The following PALB2 variants were observed in gnomAD, a reference collection of about 807,000 sequenced individuals.
PALB2 encodes the protein mutant partner and localizer of BRCA2.
Under a neutral mutation model 107.4 loss-of-function variants are expected in PALB2, and 82 were observed. That is an observed-to-expected ratio of 0.76 (90% CI 0.64 to 0.92). The LOEUF is 0.92. Among genes scored for constraint, PALB2 ranks in the 40% least tolerant of loss-of-function variants. The pLI is 0.00. For missense variants in PALB2, 1,374 were observed against 1,379.9 expected (o/e 1.00, Z 0.07); for synonymous variants, 489 against 496.8 (o/e 0.98, Z 0.21).
rs1484917572 is a variant in PALB2 at position 23,635,089 on chromosome 16, TTA to T, written c.1455_1456del (p.Lys486SerfsTer9). On this transcript the variant is annotated frameshift_variant, in exon 4 of 13. Transcript: ENST00000261584. LOFTEE classifies it high-confidence loss of function. ...AGTGGGCCCAGCGGGAGAGCTGACT[TTA>T]GTTAATGAGAGAAGTTTCTGAGAGG... is the stretch of plus-strand genomic sequence containing the variant. 1 of 1,614,110 alleles carries T rather than the reference TTA, an allele frequency of 6.2e-7. No individual in the cohort carries two copies. The highest frequency in any genetic ancestry group is 1.7e-5 in the Admixed American group (1 of 60,008).
At chr16:23,636,799 T>C (rs991850105) in intron 3 of PALB2, among the ~76,000 whole-genome samples, 2 of 152,178 alleles carry the variant, frequency 1.3e-5, no homozygotes, top group African/African-American at 4.8e-5. Flanking sequence ...TTCTTTATTT[T>C]CCCCCTTGGC....
Position 23,610,974 on chromosome 16 carries a change from G to A in PALB2, c.3202-2962C>T, listed in dbSNP as rs184163042. ...GAATTGCTTGAACCTGGCAGGCGGA[G>A]GTTGCAGTGAGCCGACATCACACCA... is the stretch of plus-strand genomic sequence containing the variant. On this transcript the variant is annotated intron_variant, in intron 11 of 12. Transcript: ENST00000261584. 1.2e-4 allele frequency among the ~76,000 whole-genome samples: 18 copies of A among 152,062 alleles called. No individual in the cohort carries two copies. In the East Asian group the frequency reaches 3.6e-3, roughly 30 times the overall value.
At position 23,630,275 on chromosome 16, in the gene PALB2, C is replaced by G; in HGVS notation, c.1879G>C (p.Val627Leu). 1 of 1,614,126 alleles carries G rather than the reference C, an allele frequency of 6.2e-7. No homozygotes were observed. The highest frequency in any genetic ancestry group is 8.5e-7 in the Non-Finnish European group (1 of 1,180,028). Reference protein sequence around the residue: ...EDFGPLKLEKVKSCSEKPVEP... With the variant: ...EDFGPLKLEKLKSCSEKPVEP... ...ACTGGTTTTTCTGAGCAGGACTTCACTTTTTCAAGCTTAAGAGGTCCAAAG... is the reference window on the plus strand; with the variant it reads ...ACTGGTTTTTCTGAGCAGGACTTCAGTTTTTCAAGCTTAAGAGGTCCAAAG... Residue 627 changes from valine (V) to leucine (L), a missense_variant, in exon 5 of 13, where the codon GTG becomes CTG. Val to Leu is a conservative substitution (Grantham distance 32). Transcript: ENST00000261584.
intron 11 of PALB2, 106 bp from the exon 12 acceptor site, chr16:23,608,118 T>G: frequency 8.2e-7 from 1 of 1,217,926 alleles, no homozygotes; most frequent in Non-Finnish European, 1.2e-6. Flanking sequence ...CAATGACCGA[T>G]AGGCTCTGAA....
intron 5 of PALB2, 21 bp downstream of exon 5, chr16:23,629,619 C>A (rs2142371032): frequency 6.2e-7 from 1 of 1,610,004 alleles, no homozygotes; most frequent in Non-Finnish European, 8.5e-7. Context: ...GAGAAAATTT[C>A]ACAGAGGAAA....
At position 23,607,957 on chromosome 16, in the gene PALB2, CG is replaced by C. The variant is rs1057517600; in HGVS notation, c.3256del (p.Arg1086GlufsTer9). ...HPCAKESESL[R>X]SPVFQLIVIN... is the part of the protein sequence containing the mutation. ...CACAATGAGCTGAAACACAGGGCTT[CG>C]CAACGACTCACTCTCTTTGGCACAG... On this transcript the variant is annotated frameshift_variant, in exon 12 of 13. Transcript: ENST00000261584. LOFTEE classifies it high-confidence loss of function. 5 of 1,613,978 alleles carry C rather than the reference CG, an allele frequency of 3.1e-6. No homozygotes were observed. The highest frequency in any genetic ancestry group is 4.2e-6 in the Non-Finnish European group (5 of 1,179,972).
At chr16:23,623,253 G>C in intron 8 of PALB2, 123 bp from the exon 9 acceptor site, 1 of 871,356 alleles carries the variant, frequency 1.1e-6, no homozygotes, top group Non-Finnish European at 1.7e-6. Context: ...GCCTAGGCTG[G>C]AGTGCAGTGG....
At chr16:23,630,535 G>A in intron 4 of PALB2, 66 bp from the exon 5 acceptor site, 1 of 1,250,160 alleles carries the variant, frequency 8.0e-7, no homozygotes, top group Non-Finnish European at 1.1e-6. Context: ...CTGTTTCACT[G>A]ATGACAAAGA....
rs560756242 is a variant in PALB2 at position 23,608,801 on chromosome 16, T to TATATATATACACACACAC, written c.3202-790_3202-789insGTGTGTGTGTATATATAT. Reference sequence around the variant, plus strand: ...ATATTACTGTATGTGTGTATATATATACACACACACACACACACACACATA... The same window carrying TATATATATACACACACAC: ...ATATTACTGTATGTGTGTATATATATATATATATACACACACACACACACACACACACACACACACATA... On this transcript the variant is annotated intron_variant, in intron 11 of 12. Transcript: ENST00000261584. Among the ~76,000 whole-genome samples, 129 of 143,806 alleles carry TATATATATACACACACAC rather than the reference T, an allele frequency of 9.0e-4. 1 individual carries two copies. Among genetic ancestry groups the TATATATATACACACACAC allele is most frequent in the East Asian group, 8.0e-3 (39 of 4,854 alleles). 94.3% of individuals were successfully genotyped at this position (143,806 alleles called of 152,430 possible).
intron 10 of PALB2, among the ~76,000 whole-genome samples, chr16:23,619,563 T>C (rs1966738170): frequency 6.6e-6 from 1 of 151,974 alleles, no homozygotes; most frequent in Non-Finnish European, 1.5e-5. Flanking sequence ...GCCACACTTA[T>C]TTTTTGTATA....
At chr16:23,626,439 G>A (rs2142357270) in intron 6 of PALB2, 42 bp from the exon 7 acceptor site, 2 of 1,607,276 alleles carry the variant, frequency 1.2e-6, no homozygotes, top group South Asian at 1.1e-5. Flanking sequence ...GCACTCGAGT[G>A]CTGTTTTATG....
chr16:23,612,254 G>A (rs1345564936), intron 11 of PALB2, among the ~76,000 whole-genome samples: 1 of 152,080 alleles, frequency 6.6e-6, no homozygotes, highest in African/African-American at 2.4e-5. Context: ...ACAGAGTCTT[G>A]CTCTGTCACC....
At chr16:23,613,920 G>C in intron 11 of PALB2, 84 bp downstream of exon 11, 1 of 1,017,110 alleles carries the variant, frequency 9.8e-7, no homozygotes, top group Non-Finnish European at 1.5e-6. Context: ...GGGAAGGTTT[G>C]TTCATTACTG....
At position 23,621,349 on chromosome 16, in the gene PALB2, A is replaced by T; in HGVS notation, c.3113+13T>A. ...ACAGATGAGGGAACTGAGGACCTAG[A>T]GGGAAAGCTTACCAAATAACAATGT... On this transcript the variant is annotated intron_variant, in intron 10 of 12. Transcript: ENST00000261584. The T allele has an allele frequency of 6.4e-7, 1 of 1,557,446 alleles. No individual in the cohort carries two copies. Among genetic ancestry groups the T allele is most frequent in the South Asian group, 1.1e-5 (1 of 89,896 alleles).
rs1555460224 is a variant in PALB2, at chr16:23,629,273, A to C, written c.2517T>G (p.Thr839=). ...CAGAAGCAGGAAGCTCTGCTGTTTC[A>C]GTCTGTGAAAACAAAAGTCACATCA... ...QELHKHSVEQ[T]ETAELPASDS... Residue 839 remains threonine, a splice_region_variant and synonymous_variant, in exon 6 of 13, where the codon ACT becomes ACG. Transcript: ENST00000261584. 6.2e-7 allele frequency: 1 copy of C among 1,613,266 alleles called. No individual in the cohort carries two copies. The highest frequency in any genetic ancestry group is 1.6e-4 in the Middle Eastern group (1 of 6,062).
In PALB2 at chr16:23,638,064, A is replaced by C. The variant is rs1567224136; in HGVS notation, c.108+6T>G. ...ACACCTTAATTTGAGAATACGATTC[A>C]CTTACCTGAAGGCGGGCTAGTGTCT... On this transcript the variant is annotated splice_donor_region_variant and intron_variant, in intron 2 of 12. Transcript: ENST00000261584. 1 of 1,613,192 alleles carries C rather than the reference A, an allele frequency of 6.2e-7. No homozygotes were observed. Among genetic ancestry groups the C allele is most frequent in the African/African-American group, 1.3e-5 (1 of 74,896 alleles).
intron 7 of PALB2, among the ~76,000 whole-genome samples, chr16:23,625,907 G>A (rs1966841678): frequency 6.6e-6 from 1 of 152,066 alleles, no homozygotes; most frequent in Non-Finnish European, 1.5e-5. Flanking sequence ...CTGAGCCTGG[G>A]GAGGTTGAAA....
At chr16:23,638,174 G>A (rs1320258513) in intron 1 of PALB2, 45 bp from the exon 2 acceptor site, 1 of 1,512,454 alleles carries the variant, frequency 6.6e-7, no homozygotes, top group Non-Finnish European at 9.2e-7. Flanking sequence ...GTGGAAAGGT[G>A]GAGTCAGAGG....
intron 11 of PALB2, among the ~76,000 whole-genome samples, chr16:23,610,685 A>G (rs1220470272): frequency 6.6e-6 from 1 of 152,126 alleles, no homozygotes; most frequent in Non-Finnish European, 1.5e-5. Flanking sequence ...AAATGTTTTA[A>G]TATCAAGTGG....
Sources: allele counts gnomAD v4.1 joint callset (sites outside exome capture counted in the v4.1 genomes callset), GRCh38; gene constraint gnomAD v4.1.1; transcripts MANE v1.5; gene names NCBI Gene and HGNC (gene_info 2026-07-23, HGNC 2026-07-21).